The following SEMA3A variants were observed in gnomAD, a reference collection of about 807,000 sequenced individuals.
SEMA3A encodes semaphorin-3A.
Under a neutral mutation model 97.9 loss-of-function variants are expected in SEMA3A, and 29 were observed. The ratio of observed to expected loss-of-function variants is 0.30; its 90% confidence interval spans 0.22 to 0.40. SEMA3A has a LOEUF of 0.40. SEMA3A is among the 10% of genes least tolerant of loss of function. SEMA3A has a pLI of 1.00. For missense variants in SEMA3A, 763 were observed against 951.3 expected (o/e 0.80, Z 2.60); for synonymous variants, 321 against 323.7 (o/e 0.99, Z 0.09).
chr7:84,422,976 T>C (rs1223964531), intron 1 of SEMA3A, among the ~76,000 whole-genome samples: 1 of 152,038 alleles, frequency 6.6e-6, no homozygotes, highest in Non-Finnish European at 1.5e-5. Context: ...TAAAAGGAGA[T>C]TTGAATCATC....
At chr7:84,151,110 C>G (rs1796649446) in intron 1 of SEMA3A, among the ~76,000 whole-genome samples, 1 of 149,660 alleles carries the variant, frequency 6.7e-6, no homozygotes, top group Non-Finnish European at 1.5e-5. Context: ...CATCAAAGAC[C>G]AAAAGTAGAT....
chr7:84,076,351 AG>A (rs35810730), intron 4 of SEMA3A, among the ~76,000 whole-genome samples: 19,176 of 152,206 alleles, frequency 0.13, 1,273 homozygotes, highest in South Asian at 0.15. Context: ...GCAAAGAGAC[AG>A]AAACCAAGTA....
intron 1 of SEMA3A, among the ~76,000 whole-genome samples, chr7:84,167,547 C>T (rs1797251319): frequency 6.6e-6 from 1 of 152,044 alleles, no homozygotes; most frequent in Non-Finnish European, 1.5e-5. Context: ...GGCAAACATC[C>T]AGACACATAG....
intron 3 of SEMA3A, among the ~76,000 whole-genome samples, chr7:84,234,633 C>T (rs537370415): frequency 8.5e-5 from 13 of 152,060 alleles, no homozygotes; most frequent in African/African-American, 3.1e-4. Context: ...CCAAAGACCT[C>T]GATTTTTATT....
chr7:83,981,549 GTTTA>G, intron 13 of SEMA3A, 71 bp from the exon 14 acceptor site: 5 of 1,258,238 alleles, frequency 4.0e-6, no homozygotes, highest in Non-Finnish European at 5.3e-6. Context: ...TTAAAAAAGA[GTTTA>G]TTTATATATA....
intron 1 of SEMA3A, among the ~76,000 whole-genome samples, chr7:84,475,871 G>A (rs1046016508): frequency 1.3e-5 from 2 of 152,072 alleles, no homozygotes; most frequent in East Asian, 1.9e-4. Context: ...TATTTTTTTG[G>A]ACTGGTTTTG....
chr7:84,321,169 A>G (rs886376796), intron 2 of SEMA3A, among the ~76,000 whole-genome samples: 1 of 152,208 alleles, frequency 6.6e-6, no homozygotes, highest in African/African-American at 2.4e-5. Context: ...TTGTAAACCT[A>G]AATCCAGTTG....
intron 7 of SEMA3A, among the ~76,000 whole-genome samples, chr7:84,014,004 C>A (rs76928552): frequency 6.6e-6 from 1 of 152,104 alleles, no homozygotes; most frequent in Non-Finnish European, 1.5e-5. Context: ...ATGCCAGTTA[C>A]CTCACAACCT....
At chr7:84,336,089 A>G (rs936059130) in intron 2 of SEMA3A, among the ~76,000 whole-genome samples, 3 of 152,184 alleles carry the variant, frequency 2.0e-5, no homozygotes, top group Non-Finnish European at 4.4e-5. Context: ...TTCTTTAAAA[A>G]ATATCAGAGC....
chr7:84,471,845 C>T (rs777399259), intron 1 of SEMA3A, among the ~76,000 whole-genome samples: 23 of 151,728 alleles, frequency 1.5e-4, no homozygotes, highest in Admixed American at 1.4e-3. Flanking sequence ...TTTTAGATCC[C>T]TTATTCCAAT....
intron 6 of SEMA3A, among the ~76,000 whole-genome samples, chr7:84,017,362 A>G (rs1791145382): frequency 1.3e-5 from 2 of 152,202 alleles, no homozygotes; most frequent in South Asian, 2.1e-4. Context: ...TCAATATATG[A>G]TAACTACAGA....
chr7:84,264,758 A>G (rs959440026), intron 3 of SEMA3A, among the ~76,000 whole-genome samples: 4 of 152,068 alleles, frequency 2.6e-5, no homozygotes, highest in Non-Finnish European at 5.9e-5. Flanking sequence ...GCCAGGGCAG[A>G]CTCAGTCTTC....
intron 4 of SEMA3A, among the ~76,000 whole-genome samples, chr7:84,091,200 GA>G (rs1794579288): frequency 1.5e-5 from 1 of 68,482 alleles, no homozygotes; most frequent in Non-Finnish European, 3.1e-5. Context: ...AAGAAAGAAA[GA>G]AAGAAAGAAA....
chr7:84,265,007 A>T, intron 3 of SEMA3A, among the ~76,000 whole-genome samples: 1 of 152,102 alleles, frequency 6.6e-6, no homozygotes, highest in East Asian at 1.9e-4. Flanking sequence ...AGGCTCTACC[A>T]ATAGCACTAC....
intron 1 of SEMA3A, among the ~76,000 whole-genome samples, chr7:84,165,184 G>A (rs1408094371): frequency 1.3e-5 from 2 of 151,910 alleles, no homozygotes; most frequent in Non-Finnish European, 2.9e-5. Context: ...TCCCGCCTGG[G>A]TGTCAGAGTG....
chr7:84,229,661 A>C (rs1229485092), intron 3 of SEMA3A, among the ~76,000 whole-genome samples: 1 of 152,084 alleles, frequency 6.6e-6, no homozygotes, highest in African/African-American at 2.4e-5. Flanking sequence ...GTAGAAACAA[A>C]ATAATAAAAT....
rs111614604 is a variant in SEMA3A, at chr7:84,293,538, C to T, written c.-83+13669G>A. Among the ~76,000 whole-genome samples, 5 of 152,044 alleles carry T rather than the reference C, an allele frequency of 3.3e-5. 1 individual carries two copies. The highest frequency in any genetic ancestry group is 1.2e-4 in the African/African-American group (5 of 41,528). On this transcript the variant is annotated intron_variant, in intron 3 of 3. Coordinates refer to the SEMA3A transcript ENST00000424555. ...TCAGATGCAAAAAATATAACAATTA[C>T]ATATTTTGTTAAAAATCTTAATTTT...
At chr7:84,005,583 CTT>C in intron 10 of SEMA3A, 25 bp from the exon 11 acceptor site, 1 of 1,450,306 alleles carries the variant, frequency 6.9e-7, no homozygotes, top group Non-Finnish European at 9.6e-7. Flanking sequence ...AGAAAATTAT[CTT>C]TTGATTAAAA....
At chr7:84,430,450 T>G (rs1804949452) in intron 1 of SEMA3A, among the ~76,000 whole-genome samples, 3 of 152,108 alleles carry the variant, frequency 2.0e-5, no homozygotes, top group Admixed American at 2.0e-4. Flanking sequence ...CAAACATGGT[T>G]GTTAAAGAAT....
Sources: gnomAD v4.1 joint callset for allele counts (sites outside exome capture counted in the v4.1 genomes callset) on GRCh38, gnomAD v4.1.1 for gene constraint, MANE v1.5 for transcripts, NCBI Gene and HGNC (gene_info 2026-07-23, HGNC 2026-07-21) for gene names.